The following OSBPL3 variants were observed in gnomAD, a reference collection of about 807,000 sequenced individuals.
The protein encoded by OSBPL3 is oxysterol binding protein like 3, also known as oxysterol-binding protein-related protein 3.
A neutral mutation model predicts 120.1 loss-of-function variants in OSBPL3; 65 were observed. The ratio of observed to expected loss-of-function variants is 0.54; its 90% confidence interval spans 0.44 to 0.67. The LOEUF (loss-of-function observed/expected upper bound fraction) is 0.67, where lower values mean the gene tolerates loss of function less well. Among genes scored for constraint, OSBPL3 ranks in the 30% least tolerant of loss-of-function variants. The pLI is 0.00. For missense variants in OSBPL3, 1,004 were observed against 1,082.1 expected, an observed-to-expected ratio of 0.93 and a Z score of 1.01; for synonymous variants, 416 against 402.6, an observed-to-expected ratio of 1.03 and a Z score of -0.40.
rs1388601726 is a variant in OSBPL3 at position 24,965,859 on chromosome 7, G to C, written c.-150+14027C>G. Among the ~76,000 whole-genome samples, 7 of 152,154 alleles carry C rather than the reference G, an allele frequency of 4.6e-5. No homozygotes were observed. ...AGCCACTGCGACGGACTCAACTCAA[G>C]TGTTTTACCAGTCCCTCCAGGACAC... On this transcript the variant is annotated intron_variant, in intron 1 of 22. Coordinates refer to ENST00000313367, the MANE Select transcript of OSBPL3 (RefSeq NM_015550.4). The surrounding 1 kb of genome is among the most constrained non-coding windows in gnomAD (Gnocchi z 4.3).
At position 24,968,405 on chromosome 7, in the gene OSBPL3, T is replaced by G. The variant is rs987908962; in HGVS notation, c.-150+11481A>C. 2.6e-5 allele frequency among the ~76,000 whole-genome samples: 4 copies of G among 152,170 alleles called. No homozygotes were observed. Among genetic ancestry groups the G allele is most frequent in the African/African-American group, 4.8e-5 (2 of 41,434 alleles). On this transcript the variant is annotated intron_variant, in intron 1 of 22. Transcript: ENST00000313367. This position sits in a 1 kb window ranked among gnomAD's most constrained non-coding sequence, Gnocchi z 4.6. ...ACTGGCTTCAGCACACCAGTTTTTT[T>G]GTTTTTTTTGAGTCGGAGTCTCCCT...
chr7:24,980,999 G>C (rs889302425), upstream of OSBPL3, among the ~76,000 whole-genome samples: 1 of 152,166 alleles, frequency 6.6e-6, no homozygotes, highest in Non-Finnish European at 1.5e-5. Flanking sequence ...AGTGCCGCAG[G>C]TGGCGGGTGG....
rs1436100351 is a variant in OSBPL3 at position 24,980,169 on chromosome 7, A to G, written c.-433T>C. The G allele has an allele frequency of 2.1e-6, 1 of 471,534 alleles. No individual in the cohort carries two copies. Among genetic ancestry groups the G allele is most frequent in the African/African-American group, 2.1e-5 (1 of 47,486 alleles). 29.2% of individuals were successfully genotyped at this position (471,534 alleles called of 1,614,324 possible). A position where few individuals can be genotyped will look rare whatever the true frequency, so the allele number is the denominator to read the frequency against. The stretch of plus-strand genomic sequence containing the variant: ...GCGGCCAGTTCTGAGTACTTTGCCC[A>G]GAACTTCTCGGCGCGCGCCGCCCGG... On this transcript the variant is annotated 5_prime_UTR_variant, in exon 1 of 23. Transcript: ENST00000313367.
chr7:24,826,292 G>C (rs1795698192), intron 16 of OSBPL3, among the ~76,000 whole-genome samples: 1 of 152,312 alleles, frequency 6.6e-6, no homozygotes, highest in South Asian at 2.1e-4. Context: ...GGAAACCTCT[G>C]AGAAGGTGGA....
intron 5 of OSBPL3, among the ~76,000 whole-genome samples, chr7:24,868,889 CA>C (rs773447118): frequency 1.3e-5 from 2 of 152,188 alleles, no homozygotes; most frequent in Non-Finnish European, 2.9e-5. Context: ...ATGAGTTAAA[CA>C]AGGTAGAAGA....
intron 1 of OSBPL3, among the ~76,000 whole-genome samples, chr7:24,911,569 C>T (rs1443898972): frequency 6.6e-6 from 1 of 152,298 alleles, no homozygotes; most frequent in Admixed American, 6.5e-5. Flanking sequence ...CAGATGTACA[C>T]ACTTCAAGTT....
rs563946238 is a variant in OSBPL3, at chr7:24,867,079, C to T, written c.382-842G>A. Among the ~76,000 whole-genome samples, 27 of 152,268 alleles carry T rather than the reference C, an allele frequency of 1.8e-4. No homozygotes were observed. The highest frequency in any genetic ancestry group is 2.1e-4 in the Non-Finnish European group (14 of 68,008). On this transcript the variant is annotated intron_variant, in intron 5 of 22. Transcript: ENST00000313367. This position sits in a 1 kb window ranked among gnomAD's most constrained non-coding sequence, Gnocchi z 4.5. ...CCTCCCAAAGTGCTGGGATTACAGGCGTGAGCCACCACACCTGGCCTGTTA... is the reference window on the plus strand; with the variant it reads ...CCTCCCAAAGTGCTGGGATTACAGGTGTGAGCCACCACACCTGGCCTGTTA...
intron 5 of OSBPL3, among the ~76,000 whole-genome samples, chr7:24,869,888 A>G (rs895374781): frequency 6.6e-6 from 1 of 152,162 alleles, no homozygotes; most frequent in African/African-American, 2.4e-5. Context: ...CTCAGGCCCC[A>G]TTCCCAATAT....
At chr7:24,920,951 G>A (rs1238467646) in intron 1 of OSBPL3, among the ~76,000 whole-genome samples, 1 of 152,162 alleles carries the variant, frequency 6.6e-6, no homozygotes, top group Non-Finnish European at 1.5e-5. Context: ...AGAGGTTGTT[G>A]ACAATTATAT....
chr7:24,874,070 T>C (rs547349796), intron 2 of OSBPL3, among the ~76,000 whole-genome samples: 2 of 151,694 alleles, frequency 1.3e-5, no homozygotes, highest in East Asian at 3.9e-4. Context: ...GTGCTGTGAA[T>C]AGTATGCATC....
At chr7:24,812,649 A>G (rs1426154017) in intron 19 of OSBPL3, among the ~76,000 whole-genome samples, 1 of 152,194 alleles carries the variant, frequency 6.6e-6, no homozygotes, top group African/African-American at 2.4e-5. Context: ...AAAAAACCCT[A>G]GTACTATTTT....
At position 24,805,371 on chromosome 7, in the gene OSBPL3, T is replaced by A. The variant is rs889851612; in HGVS notation, c.2445-934A>T. On this transcript the variant is annotated intron_variant, in intron 21 of 22. Coordinates refer to ENST00000313367, the MANE Select transcript of OSBPL3 (RefSeq NM_015550.4). The surrounding 1 kb of genome is among the most constrained non-coding windows in gnomAD (Gnocchi z 4.0). ...TTCACATGCTTAAGGGATATCTGCA[T>A]TTCCTATTTTGTGGACTGTTCATTT... 1.3e-5 allele frequency among the ~76,000 whole-genome samples: 2 copies of A among 152,240 alleles called. No homozygotes were observed. Among genetic ancestry groups the A allele is most frequent in the Non-Finnish European group, 1.5e-5 (1 of 68,034 alleles).
rs921687522 is a variant in OSBPL3, at chr7:24,872,876, C to T, written c.97-807G>A. Among the ~76,000 whole-genome samples the T allele has an allele frequency of 2.0e-5, 3 of 152,078 alleles. No homozygotes were observed. Among genetic ancestry groups the T allele is most frequent in the African/African-American group, 7.2e-5 (3 of 41,412 alleles). ...TTTAAATACTTAAAAATAAATACAT[C>T]ATTGCTAATCACCCCAAGATAAACC... On this transcript the variant is annotated intron_variant, in intron 2 of 22. Transcript: ENST00000313367. The surrounding 1 kb of genome is among the most constrained non-coding windows in gnomAD (Gnocchi z 4.1).
chr7:24,866,010 G>C (rs915039846), intron 6 of OSBPL3, 60 bp downstream of exon 6: 3 of 1,386,092 alleles, frequency 2.2e-6, no homozygotes, highest in Non-Finnish European at 2.0e-6. Flanking sequence ...TCCCAAGACA[G>C]GACTCCATGA....
In OSBPL3 at chr7:24,966,415, G is replaced by A. The variant is rs923231762; in HGVS notation, c.-150+13471C>T. 1.3e-5 allele frequency among the ~76,000 whole-genome samples: 2 copies of A among 152,214 alleles called. No individual in the cohort carries two copies. The highest frequency in any genetic ancestry group is 4.8e-5 in the African/African-American group (2 of 41,450). On this transcript the variant is annotated intron_variant, in intron 1 of 22. Transcript: ENST00000313367. This position sits in a 1 kb window ranked among gnomAD's most constrained non-coding sequence, Gnocchi z 4.8. ...CCTCTGGATGCCACAAACAAGTGGG[G>A]CTTCCAGGCCCTTAATCAAGGAACA...
Position 24,932,131 on chromosome 7 carries a change from C to T in OSBPL3, c.-149-39510G>A, listed in dbSNP as rs1363255007. Among the ~76,000 whole-genome samples, 1 of 152,196 alleles carries T rather than the reference C, an allele frequency of 6.6e-6. No individual in the cohort carries two copies. The highest frequency in any genetic ancestry group is 1.5e-5 in the Non-Finnish European group (1 of 68,042). On this transcript the variant is annotated intron_variant, in intron 1 of 22. Coordinates refer to ENST00000313367, the MANE Select transcript of OSBPL3 (RefSeq NM_015550.4). This position sits in a 1 kb window ranked among gnomAD's most constrained non-coding sequence, Gnocchi z 5.6. ...TGGTCAGTTTTCCCATAAACCAGTT[C>T]CCATAAACCATGTCTTATTTAATTA...
intron 1 of OSBPL3, among the ~76,000 whole-genome samples, chr7:24,895,951 T>C (rs868311560): frequency 6.6e-6 from 1 of 152,122 alleles, no homozygotes. Flanking sequence ...GATCAAAAAA[T>C]AGAACATTTA....
At position 24,852,375 on chromosome 7, in the gene OSBPL3, G is replaced by C; in HGVS notation, c.1158+129C>G. The C allele has an allele frequency of 1.4e-6, 1 of 727,194 alleles. No homozygotes were observed. The highest frequency in any genetic ancestry group is 2.0e-6 in the Non-Finnish European group (1 of 493,854). The allele number at this position is 727,194 out of a possible 1,614,324, so 45.0% of individuals were successfully genotyped here. A position where few individuals can be genotyped will look rare whatever the true frequency, so the allele number is the denominator to read the frequency against. On this transcript the variant is annotated intron_variant, in intron 11 of 22. Coordinates refer to ENST00000313367, the MANE Select transcript of OSBPL3 (RefSeq NM_015550.4). This position sits in a 1 kb window ranked among gnomAD's most constrained non-coding sequence, Gnocchi z 4.1. ...TTTCAAATAAGCAGATTTGATGAAA[G>C]GTTAGAATATAATTTGGATAATTTG...
At chr7:24,814,134 T>G (rs1402344608) in intron 19 of OSBPL3, among the ~76,000 whole-genome samples, 1 of 151,684 alleles carries the variant, frequency 6.6e-6, no homozygotes, top group Non-Finnish European at 1.5e-5. Context: ...AGGGAGTGAA[T>G]GACAGGATGG....
Sources: allele counts gnomAD v4.1 joint callset (sites outside exome capture counted in the v4.1 genomes callset), GRCh38; gene constraint gnomAD v4.1.1; non-coding constraint Gnocchi (gnomAD v3.1); transcripts MANE v1.5; gene names NCBI Gene and HGNC (gene_info 2026-07-23, HGNC 2026-07-21).